KCNT2: variants seen among roughly 807,000 people sequenced by gnomAD.
KCNT2 encodes potassium sodium-activated channel subfamily T member 2, also known as potassium channel subfamily T member 2.
KCNT2 carries 67 observed loss-of-function variants against 153.8 expected under a neutral mutation model. That is an observed-to-expected ratio of 0.44 (90% CI 0.36 to 0.53). The LOEUF is 0.53. Among genes scored for constraint, KCNT2 ranks in the 20% least tolerant of loss-of-function variants. KCNT2 has a pLI of 0.00. For synonymous variants in KCNT2, 500 were observed against 458.8 expected (o/e 1.09, Z -1.15); for missense variants, 975 against 1,354.8 (o/e 0.72, Z 4.40).
intron 22 of KCNT2, among the ~76,000 whole-genome samples, chr1:196,294,840 A>T (rs997193817): frequency 1.5e-4 from 23 of 151,760 alleles, no homozygotes; most frequent in African/African-American, 5.1e-4. Flanking sequence ...CCTAAAAAAA[A>T]ATTATGTCAT....
rs1269825900 is a variant in KCNT2 at position 196,275,857 on chromosome 1, G to A, written c.2910+5003C>T. ...TATACTAAAGAAATAATTAATGAAT[G>A]GGTCTGATATCACCACATTATGCCT... is the stretch of plus-strand genomic sequence containing the variant. On this transcript the variant is annotated intron_variant, in intron 25 of 27. Transcript: ENST00000294725. Among the ~76,000 whole-genome samples the A allele has an allele frequency of 2.0e-5, 3 of 151,928 alleles. No individual in the cohort carries two copies. The South Asian group carries it at 6.2e-4, about 31-fold the overall frequency.
At chr1:196,560,502 A>C (rs543798775) in intron 1 of KCNT2, among the ~76,000 whole-genome samples, 1 of 151,974 alleles carries the variant, frequency 6.6e-6, no homozygotes, top group Non-Finnish European at 1.5e-5. Flanking sequence ...TGGAAAGCTA[A>C]GTAGGCTTTT....
chr1:196,491,038 T>TA (rs1006315426), intron 2 of KCNT2, among the ~76,000 whole-genome samples: 2 of 152,032 alleles, frequency 1.3e-5, no homozygotes, highest in African/African-American at 2.4e-5. Context: ...TTCACTTCCT[T>TA]AAAAAATCTT....
chr1:196,606,179 A>T (rs1665301729), intron 1 of KCNT2, among the ~76,000 whole-genome samples: 1 of 152,186 alleles, frequency 6.6e-6, no homozygotes, highest in African/African-American at 2.4e-5. Context: ...ACAGTTTTAT[A>T]AGGTAGACAG....
At chr1:196,332,641 T>C (rs1664573562) in intron 17 of KCNT2, among the ~76,000 whole-genome samples, 1 of 152,290 alleles carries the variant, frequency 6.6e-6, no homozygotes, top group South Asian at 2.1e-4. Flanking sequence ...ATATGACTAA[T>C]AGTAATTAAT....
chr1:196,575,719 G>A (rs1661275561), intron 1 of KCNT2, among the ~76,000 whole-genome samples: 1 of 42,434 alleles, frequency 2.4e-5, no homozygotes, highest in Admixed American at 4.7e-4. Flanking sequence ...GGAATGCAGT[G>A]GTTCACACCT....
At chr1:196,234,926 C>T (rs1349951599) in intron 27 of KCNT2, among the ~76,000 whole-genome samples, 1 of 151,130 alleles carries the variant, frequency 6.6e-6, no homozygotes, top group African/African-American at 2.4e-5. Flanking sequence ...CTTGATCTAC[C>T]CCAGGACAGG....
intron 8 of KCNT2, among the ~76,000 whole-genome samples, chr1:196,460,522 T>G (rs1677056595): frequency 6.6e-6 from 1 of 151,710 alleles, no homozygotes; most frequent in African/African-American, 2.4e-5. Flanking sequence ...GGGCATAAAA[T>G]GGTAAGAAAG....
intron 13 of KCNT2, among the ~76,000 whole-genome samples, chr1:196,390,485 C>T (rs992063033): frequency 6.6e-6 from 1 of 151,360 alleles, no homozygotes; most frequent in Non-Finnish European, 1.5e-5. Flanking sequence ...GAATGTTTTA[C>T]GTATATGTTC....
At chr1:196,296,788 C>T (rs548686065) in intron 22 of KCNT2, among the ~76,000 whole-genome samples, 28 of 152,124 alleles carry the variant, frequency 1.8e-4, no homozygotes, top group Middle Eastern at 6.8e-3. Context: ...TATTTCAGTT[C>T]TCTCTGCCTT....
Position 196,371,220 on chromosome 1 carries a change from CAAAAAAAAAAAAAAAA to C in KCNT2, c.1403+1904_1403+1919del, listed in dbSNP as rs952744388. On this transcript the variant is annotated intron_variant, in intron 14 of 27. Transcript: ENST00000294725. ...GCAACATGGCAAAATCCCGTCACTA[CAAAAAAAAAAAAAAAA>C]AAAAAAAAAAAAAGCCTGGCATGGT... is the stretch of plus-strand genomic sequence containing the variant. Among the ~76,000 whole-genome samples, 8 of 21,946 alleles carry C rather than the reference CAAAAAAAAAAAAAAAA, an allele frequency of 3.6e-4. No individual in the cohort carries two copies. The East Asian group carries it at 9.6e-3, about 26-fold the overall frequency. The allele number at this position is 21,946 out of a possible 152,430, so 14.4% of individuals were successfully genotyped here. A position where few individuals can be genotyped will look rare whatever the true frequency, so the allele number is the denominator to read the frequency against.
intron 1 of KCNT2, among the ~76,000 whole-genome samples, chr1:196,575,904 G>GGAGGCAGAGGTTGCAGT (rs937012480): frequency 6.6e-6 from 1 of 150,508 alleles, no homozygotes; most frequent in African/African-American, 2.4e-5. Context: ...CTTTAACCTG[G>GGAGGCAGAGGTTGCAGT]GAGGCAGAGG....
chr1:196,508,214 G>C (rs1336524472), intron 1 of KCNT2, among the ~76,000 whole-genome samples: 1 of 83,304 alleles, frequency 1.2e-5, no homozygotes, highest in African/African-American at 4.8e-5. Context: ...AAAAAAAAAA[G>C]TAAAGAAAGA....
rs754184253 is a variant in KCNT2, at chr1:196,428,289, T to A, written c.820-20A>T. The A allele has an allele frequency of 8.8e-6, 14 of 1,588,790 alleles. No individual in the cohort carries two copies. The highest frequency in any genetic ancestry group is 1.7e-5 in the Admixed American group (1 of 59,074). Reference sequence around the variant, plus strand: ...TTCAAACTGTAATATATTTTCCACATGTGAATGAAAAACACAGTAAGGAAA... The same window carrying A: ...TTCAAACTGTAATATATTTTCCACAAGTGAATGAAAAACACAGTAAGGAAA... On this transcript the variant is annotated intron_variant, in intron 9 of 27. Transcript: ENST00000294725.
At chr1:196,390,981 T>C (rs1414253307) in intron 13 of KCNT2, among the ~76,000 whole-genome samples, 2 of 149,078 alleles carry the variant, frequency 1.3e-5, no homozygotes, top group Admixed American at 1.4e-4. Flanking sequence ...AACTAAATAA[T>C]GAAAGCCTTA....
chr1:196,411,666 C>A (rs749447675), intron 12 of KCNT2, among the ~76,000 whole-genome samples: 1 of 151,518 alleles, frequency 6.6e-6, no homozygotes, highest in Non-Finnish European at 1.5e-5. Context: ...TCTGAATTTC[C>A]TTTTCAAATG....
At chr1:196,422,973 A>G (rs963625519) in intron 12 of KCNT2, 77 bp downstream of exon 12, 12 of 945,332 alleles carry the variant, frequency 1.3e-5, no homozygotes, top group Non-Finnish European at 1.7e-5. Context: ...ATGCTGGCGA[A>G]TTTTTAAAAA....
chr1:196,376,327 A>T (rs748283850), intron 13 of KCNT2, among the ~76,000 whole-genome samples: 8 of 151,948 alleles, frequency 5.3e-5, no homozygotes, highest in Non-Finnish European at 1.2e-4. Context: ...ACACTATATA[A>T]CATATCCAAG....
intron 25 of KCNT2, among the ~76,000 whole-genome samples, chr1:196,271,182 T>C (rs1326126266): frequency 6.6e-6 from 1 of 151,980 alleles, no homozygotes; most frequent in Non-Finnish European, 1.5e-5. Context: ...CTATAAGACC[T>C]GGTAAATACA....
Sources: gnomAD v4.1 joint callset for allele counts (sites outside exome capture counted in the v4.1 genomes callset) on GRCh38, gnomAD v4.1.1 for gene constraint, MANE v1.5 for transcripts, NCBI Gene and HGNC (gene_info 2026-07-23, HGNC 2026-07-21) for gene names.